ZNF540: variants seen among roughly 807,000 people sequenced by gnomAD.
The protein encoded by ZNF540 is CTD-3064H18.6.
In ZNF540, 3 loss-of-function variants were observed where a neutral mutation model predicts 11.8. The ratio of observed to expected loss-of-function variants is 0.25; its 90% CI spans 0.12 to 0.65. ZNF540 has a LOEUF of 0.65. ZNF540 is among the 30% of genes least tolerant of loss of function. The pLI, the probability that ZNF540 is intolerant of heterozygous loss-of-function variation, is 0.83. For missense variants in ZNF540, 709 were observed against 793.1 expected, an observed-to-expected ratio of 0.89 and a Z score of 1.27; for synonymous variants, 247 against 259.0, an observed-to-expected ratio of 0.95 and a Z score of 0.45.
chr19:37,587,013 A>G (rs2043698407), intron 1 of ZNF540: 2 of 283,168 alleles, frequency 7.1e-6, no homozygotes, highest in Admixed American at 1.0e-4. Flanking sequence ...GCCCCCCACC[A>G]TCCTCCTGGA....
chr19:37,611,357 CTAATTTCAAATTATATA>C, intron 4 of ZNF540, 139 bp from the exon 5 acceptor site: 1 of 591,328 alleles, frequency 1.7e-6, no homozygotes, highest in South Asian at 2.8e-5. Context: ...CTCATGTTGC[CTAATTTCAAATTATATA>C]ACTTTATTGA....
chr19:37,576,904 A>G (rs549813983), intron 1 of ZNF540, among the ~76,000 whole-genome samples: 42 of 152,256 alleles, frequency 2.8e-4, no homozygotes, highest in Admixed American at 1.5e-3. Context: ...GGCAGTGCTT[A>G]TATCCCTTTT....
chr19:37,583,923 C>G (rs1365726016), intron 1 of ZNF540: 3 of 1,539,178 alleles, frequency 1.9e-6, no homozygotes, highest in Non-Finnish European at 2.6e-6. Flanking sequence ...ATGAATGAGG[C>G]AGAAATTATG....
intron 1 of ZNF540, among the ~76,000 whole-genome samples, chr19:37,567,345 C>CATAAATCTCCTTAGATGCTTCTCATAA (rs2042896832): frequency 6.6e-6 from 1 of 152,198 alleles, no homozygotes; most frequent in African/African-American, 2.4e-5. Flanking sequence ...TTCCTTCATT[C>CATAAATCTCCTTAGATGCTTCTCATAA]ATAAATCTCC....
chr19:37,599,384 A>G (rs916655240), intron 2 of ZNF540, among the ~76,000 whole-genome samples: 22 of 149,486 alleles, frequency 1.5e-4, no homozygotes, highest in Non-Finnish European at 2.3e-4. Context: ...TGTTTTGAGT[A>G]GTTAAAGAAC....
In ZNF540 at chr19:37,613,187, A is replaced by C; in HGVS notation, c.1907A>C (p.Glu636Ala). 1.2e-6 allele frequency: 2 copies of C among 1,608,628 alleles called. No individual in the cohort carries two copies. The highest frequency in any genetic ancestry group is 1.1e-5 in the South Asian group (1 of 90,398). The stretch of plus-strand genomic sequence containing the variant: ...ATTCACACTGGTGAGAAACCCTATG[A>C]GTGTAAGGTATGTAGAAAGGCCTTT... ...QRIHTGEKPY[E>A]CKVCRKAFRQ... The change falls in exon 5 of 5, where the codon GAG becomes GCG. Residue 636 changes from glutamate to alanine, a missense_variant. Glu to Ala is a moderately radical substitution (Grantham distance 107, BLOSUM62 -1). Coordinates refer to ENST00000316433, the MANE Select transcript of ZNF540 (RefSeq NM_001172225.3).
chr19:37,579,357 G>C (rs1034626547), intron 1 of ZNF540, among the ~76,000 whole-genome samples: 4 of 152,162 alleles, frequency 2.6e-5, no homozygotes, highest in Non-Finnish European at 5.9e-5. Context: ...TTCCCCCAGG[G>C]CCTGAGGTCA....
intron 1 of ZNF540, among the ~76,000 whole-genome samples, chr19:37,595,637 T>G (rs1221687926): frequency 6.6e-6 from 1 of 152,232 alleles, no homozygotes; most frequent in Non-Finnish European, 1.5e-5. Flanking sequence ...GCTTCAGTTT[T>G]CTCACCTGTA....
chr19:37,566,476 G>C (rs1310146526), intron 1 of ZNF540: 2 of 637,784 alleles, frequency 3.1e-6, no homozygotes, highest in Admixed American at 3.6e-5. Flanking sequence ...AGAGCTTATA[G>C]GAAAGAAGGT....
chr19:37,559,674 G>T (rs1301183582), intron 1 of ZNF540, among the ~76,000 whole-genome samples: 4 of 152,162 alleles, frequency 2.6e-5, no homozygotes, highest in Non-Finnish European at 5.9e-5. Flanking sequence ...AGGGGGAAAA[G>T]GTATATAGCA....
At chr19:37,572,147 CT>C (rs780759781) in intron 1 of ZNF540, among the ~76,000 whole-genome samples, 9 of 152,130 alleles carry the variant, frequency 5.9e-5, no homozygotes, top group Admixed American at 1.3e-4. Flanking sequence ...TCTGTTACCC[CT>C]ATCACTTAAC....
intron 4 of ZNF540, among the ~76,000 whole-genome samples, chr19:37,603,607 G>C (rs2044057575): frequency 6.6e-6 from 1 of 152,130 alleles, no homozygotes. Flanking sequence ...TTGAATACTG[G>C]TGTTCAGTTT....
upstream of ZNF540, among the ~76,000 whole-genome samples, chr19:37,591,694 G>A (rs1209862493): frequency 1.3e-5 from 2 of 152,054 alleles, no homozygotes; most frequent in Non-Finnish European, 2.9e-5. Flanking sequence ...ACAGGAATGT[G>A]CCACCATGCC....
At chr19:37,597,515 C>A (rs1242045781) in intron 1 of ZNF540, 1 of 152,302 alleles carries the variant, frequency 6.6e-6, no homozygotes, top group African/African-American at 2.4e-5. Flanking sequence ...GCAGCCTCCC[C>A]CTCCCAGATT....
At chr19:37,588,195 A>G (rs1404726166) in intron 1 of ZNF540, among the ~76,000 whole-genome samples, 1 of 151,586 alleles carries the variant, frequency 6.6e-6, no homozygotes, top group Non-Finnish European at 1.5e-5. Context: ...TTAATAGGAT[A>G]TTTGACATAT....
At chr19:37,568,961 T>C (rs1600470746) in intron 1 of ZNF540, among the ~76,000 whole-genome samples, 1 of 151,590 alleles carries the variant, frequency 6.6e-6, no homozygotes, top group East Asian at 1.9e-4. Flanking sequence ...GCCCAAGGCA[T>C]CTTTTTTTTT....
At chr19:37,570,431 A>C (rs183013756) in intron 1 of ZNF540, among the ~76,000 whole-genome samples, 1 of 152,284 alleles carries the variant, frequency 6.6e-6, no homozygotes, top group East Asian at 1.9e-4. Flanking sequence ...ACCTCTCCCA[A>C]GATAGACATA....
Position 37,614,126 on chromosome 19 carries a change from G to T in ZNF540, c.*863G>T, listed in dbSNP as rs886290238. ...TGAGTCTACGATATTTTGTTATGCA[G>T]CCCAGATAACTAAGGCACTCCATTA... On this transcript the variant is annotated 3_prime_UTR_variant, in exon 5 of 5. Coordinates refer to ENST00000316433, the MANE Select transcript of ZNF540 (RefSeq NM_001172225.3). The T allele has an allele frequency of 5.1e-5, 18 of 354,570 alleles. No individual in the cohort carries two copies. The highest frequency in any genetic ancestry group is 3.8e-4 in the African/African-American group (18 of 47,710). 22.0% of individuals were successfully genotyped at this position (354,570 alleles called of 1,614,324 possible).
chr19:37,554,036 G>T (rs543711674), intron 1 of ZNF540, among the ~76,000 whole-genome samples: 1 of 152,200 alleles, frequency 6.6e-6, no homozygotes, highest in Non-Finnish European at 1.5e-5. Context: ...ACACATGCAG[G>T]TTTGTTACAT....
Sources: gnomAD v4.1 joint callset for allele counts (sites outside exome capture counted in the v4.1 genomes callset) on GRCh38, gnomAD v4.1.1 for gene constraint, MANE v1.5 for transcripts, NCBI Gene and HGNC (gene_info 2026-07-23, HGNC 2026-07-21) for gene names.